Variants in MTMR7 observed in about 807,000 individuals in gnomAD.
MTMR7 encodes phosphatidylinositol-3-phosphate phosphatase MTMR7.
MTMR7 carries 76 observed loss-of-function variants against 81.2 expected under a neutral mutation model. The observed-to-expected ratio is 0.94, with a 90% confidence interval of 0.78 to 1.13. MTMR7 has a LOEUF of 1.13. Ranked by LOEUF, MTMR7 falls within the 50% of genes most tolerant of loss-of-function variation. MTMR7 has a pLI of 0.00. For synonymous variants in MTMR7, 372 were observed against 289.8 expected (o/e 1.28, Z -2.88); for missense variants, 1,044 against 820.0 (o/e 1.27, Z -3.34).
At chr8:17,360,018 G>T (rs546992667) in intron 4 of MTMR7, among the ~76,000 whole-genome samples, 1 of 152,304 alleles carries the variant, frequency 6.6e-6, no homozygotes, top group African/African-American at 2.4e-5. Context: ...ATTTAAAATA[G>T]TGATGAGTAA....
chr8:17,360,500 ACTAT>A (rs1820026234), intron 4 of MTMR7, among the ~76,000 whole-genome samples: 1 of 151,650 alleles, frequency 6.6e-6, no homozygotes, highest in Non-Finnish European at 1.5e-5. Flanking sequence ...CCTTTTGTAA[ACTAT>A]CTAGGATGTT....
intron 1 of MTMR7, among the ~76,000 whole-genome samples, chr8:17,395,197 C>G (rs1371256566): frequency 1.3e-5 from 2 of 152,122 alleles, no homozygotes; most frequent in African/African-American, 4.8e-5. Flanking sequence ...GCTTATTTCA[C>G]TTGTCTTCAA....
intron 1 of MTMR7, among the ~76,000 whole-genome samples, chr8:17,373,949 G>C (rs1820496203): frequency 6.6e-6 from 1 of 152,118 alleles, no homozygotes. Context: ...GAAATGTAAT[G>C]GAAATGACAA....
chr8:17,337,143 G>T (rs1376351161), intron 6 of MTMR7, among the ~76,000 whole-genome samples: 1 of 152,114 alleles, frequency 6.6e-6, no homozygotes, highest in Non-Finnish European at 1.5e-5. Flanking sequence ...AGGCCGAGAA[G>T]GGCGGATCAC....
intron 2 of MTMR7, among the ~76,000 whole-genome samples, chr8:17,371,606 G>C (rs1820422239): frequency 6.6e-6 from 1 of 152,150 alleles, no homozygotes; most frequent in Admixed American, 6.5e-5. Flanking sequence ...GTGCCACCAT[G>C]CTCCTTAATT....
chr8:17,383,345 G>A (rs574886053), intron 1 of MTMR7, among the ~76,000 whole-genome samples: 17 of 152,208 alleles, frequency 1.1e-4, no homozygotes, highest in East Asian at 5.8e-4. Context: ...TAACAACAAC[G>A]AAAATACTTT....
intron 1 of MTMR7, among the ~76,000 whole-genome samples, chr8:17,374,768 G>A (rs929271409): frequency 1.1e-4 from 17 of 151,960 alleles, no homozygotes; most frequent in Non-Finnish European, 2.2e-4. Flanking sequence ...AGCCAAGATC[G>A]TGCCACTGAA....
chr8:17,381,568 C>T (rs928735546), intron 1 of MTMR7, among the ~76,000 whole-genome samples: 1 of 152,146 alleles, frequency 6.6e-6, no homozygotes, highest in Non-Finnish European at 1.5e-5. Context: ...AAGTGCAGGG[C>T]CGGGGTGCCA....
At chr8:17,321,581 C>T (rs1389423737) in intron 7 of MTMR7, among the ~76,000 whole-genome samples, 2 of 152,268 alleles carry the variant, frequency 1.3e-5, no homozygotes, top group Middle Eastern at 3.4e-3. Flanking sequence ...GAGACCAAAG[C>T]GATTAGCGCC....
chr8:17,311,800 A>C, intron 8 of MTMR7, 164 bp from the exon 9 acceptor site: 1 of 1,091,592 alleles, frequency 9.2e-7, no homozygotes, highest in South Asian at 1.5e-5. Context: ...GCAGAGCCAG[A>C]GTGGCCTGGT....
intron 4 of MTMR7, among the ~76,000 whole-genome samples, chr8:17,351,805 G>C (rs1338319318): frequency 6.6e-6 from 1 of 152,242 alleles, no homozygotes; most frequent in Non-Finnish European, 1.5e-5. Flanking sequence ...GATTTAGGGT[G>C]TCAGTTAACA....
chr8:17,397,428 G>A (rs1189564615), intron 1 of MTMR7, among the ~76,000 whole-genome samples: 2 of 152,162 alleles, frequency 1.3e-5, no homozygotes, highest in African/African-American at 2.4e-5. Context: ...GTCGGTGGTG[G>A]CCTGCAGAAA....
intron 1 of MTMR7, among the ~76,000 whole-genome samples, chr8:17,378,376 C>G (rs1820654535): frequency 6.6e-6 from 1 of 152,196 alleles, no homozygotes; most frequent in Non-Finnish European, 1.5e-5. Context: ...ACAGTTTATA[C>G]TAAGACGTTG....
At chr8:17,411,341 G>A (rs990885438) in intron 1 of MTMR7, among the ~76,000 whole-genome samples, 1 of 152,110 alleles carries the variant, frequency 6.6e-6, no homozygotes, top group African/African-American at 2.4e-5. Context: ...CTTGAGGGCA[G>A]AGCTGATCCT....
At chr8:17,401,555 G>T (rs984019399) in intron 1 of MTMR7, among the ~76,000 whole-genome samples, 4 of 152,094 alleles carry the variant, frequency 2.6e-5, no homozygotes, top group Non-Finnish European at 5.9e-5. Flanking sequence ...ATAAACTGGT[G>T]GGGGAGCGGC....
intron 1 of MTMR7, among the ~76,000 whole-genome samples, chr8:17,393,050 G>T (rs1266739610): frequency 6.6e-6 from 1 of 152,182 alleles, no homozygotes; most frequent in Non-Finnish European, 1.5e-5. Flanking sequence ...TAATAATCAA[G>T]ATTGTGTGGT....
intron 7 of MTMR7, among the ~76,000 whole-genome samples, chr8:17,317,661 G>GA (rs1266798724): frequency 3.9e-5 from 6 of 152,166 alleles, no homozygotes; most frequent in Admixed American, 1.3e-4. Context: ...GGGACCCAAT[G>GA]AACTGCTTCT....
chr8:17,344,605 C>T (rs1819499905), intron 5 of MTMR7, among the ~76,000 whole-genome samples: 1 of 152,102 alleles, frequency 6.6e-6, no homozygotes, highest in South Asian at 2.1e-4. Flanking sequence ...AGCGAGACTC[C>T]ATCTCAAAAC....
intron 1 of MTMR7, among the ~76,000 whole-genome samples, chr8:17,375,939 T>C (rs1312605999): frequency 6.6e-6 from 1 of 152,240 alleles, no homozygotes; most frequent in Non-Finnish European, 1.5e-5. Flanking sequence ...GTTCACCCAT[T>C]TAAATGTACT....
Sources: allele counts gnomAD v4.1 joint callset (sites outside exome capture counted in the v4.1 genomes callset), GRCh38; gene constraint gnomAD v4.1.1; transcripts MANE v1.5; gene names NCBI Gene and HGNC (gene_info 2026-07-23, HGNC 2026-07-21).